EFCAB3: variants seen among roughly 807,000 people sequenced by gnomAD.
EFCAB3 encodes the protein EF-hand calcium-binding domain-containing protein 3.
EFCAB3 carries 36 observed loss-of-function variants against 42.2 expected under a neutral mutation model. The ratio of observed to expected loss-of-function variants is 0.85; its 90% CI spans 0.65 to 1.13. EFCAB3 has a LOEUF of 1.13. Ranked by LOEUF, EFCAB3 falls within the 50% of genes most tolerant of loss-of-function variation. EFCAB3 has a pLI of 0.00. For missense variants in EFCAB3, 418 were observed against 505.1 expected, an observed-to-expected ratio of 0.83 and a Z score of 1.65; for synonymous variants, 170 against 172.8, an observed-to-expected ratio of 0.98 and a Z score of 0.13.
Position 62,406,465 on chromosome 17 carries a change from C to CTT in EFCAB3, c.489-6_489-5dup. ...TCTCTTTGTATCCATTTCTGAATTA[C>CTT]TTTTTTTTTTAAAGCTATTTCCAAA... On this transcript the variant is annotated splice_polypyrimidine_tract_variant and intron_variant, in intron 6 of 9. Transcript: ENST00000305286. 4 of 1,432,366 alleles carry CTT rather than the reference C, an allele frequency of 2.8e-6. No individual in the cohort carries two copies. The highest frequency in any genetic ancestry group is 1.3e-5 in the South Asian group (1 of 74,182). 88.7% of individuals were successfully genotyped at this position (1,432,366 alleles called of 1,614,324 possible). A position where few individuals can be genotyped will look rare whatever the true frequency, so the allele number is the denominator to read the frequency against.
intron 1 of EFCAB3, 140 bp from the exon 2 acceptor site, chr17:62,382,823 T>C: frequency 1.5e-6 from 1 of 651,936 alleles, no homozygotes; most frequent in Non-Finnish European, 2.6e-6. Flanking sequence ...TATGCATACC[T>C]CTAACTTGAG....
At chr17:62,396,912 A>T (rs553960697) in intron 6 of EFCAB3, among the ~76,000 whole-genome samples, 1 of 152,252 alleles carries the variant, frequency 6.6e-6, no homozygotes, top group African/African-American at 2.4e-5. Context: ...TTTTTTTAAA[A>T]AGAATATACA....
intron 2 of EFCAB3, among the ~76,000 whole-genome samples, chr17:62,383,782 A>T (rs2070224964): frequency 6.6e-6 from 1 of 152,136 alleles, no homozygotes; most frequent in Non-Finnish European, 1.5e-5. Flanking sequence ...AATTTAGAAG[A>T]TCATAAAGAA....
intron 9 of EFCAB3, among the ~76,000 whole-genome samples, chr17:62,414,399 C>A (rs2070526288): frequency 6.6e-6 from 1 of 152,176 alleles, no homozygotes; most frequent in African/African-American, 2.4e-5. Flanking sequence ...TTAAAGTTGT[C>A]ACTAACCTAA....
At chr17:62,374,874 A>G (rs1167320641) in intron 2 of EFCAB3, among the ~76,000 whole-genome samples, 1 of 152,210 alleles carries the variant, frequency 6.6e-6, no homozygotes, top group Non-Finnish European at 1.5e-5. Flanking sequence ...ACAATTTGGG[A>G]GGCCAAGACA....
At chr17:62,391,233 A>T (rs189545555) in intron 3 of EFCAB3, among the ~76,000 whole-genome samples, 22 of 152,224 alleles carry the variant, frequency 1.4e-4, no homozygotes, top group African/African-American at 5.3e-4. Context: ...GTGATCCACG[A>T]GGATCTCCTG....
intron 3 of EFCAB3, among the ~76,000 whole-genome samples, chr17:62,388,086 T>C (rs1376849337): frequency 6.6e-6 from 1 of 152,094 alleles, no homozygotes; most frequent in African/African-American, 2.4e-5. Flanking sequence ...GGCGGGCACC[T>C]GTAATCCCAG....
chr17:62,403,001 T>C (rs1410843368), intron 6 of EFCAB3, among the ~76,000 whole-genome samples: 1 of 152,228 alleles, frequency 6.6e-6, no homozygotes, highest in African/African-American at 2.4e-5. Flanking sequence ...TTCAACTTCT[T>C]CCTAGTTTAG....
chr17:62,393,477 G>A, intron 4 of EFCAB3, 96 bp from the exon 5 acceptor site: 1 of 949,760 alleles, frequency 1.1e-6, no homozygotes, highest in Non-Finnish European at 1.6e-6. Flanking sequence ...TTTTAATATT[G>A]AATCATCCAG....
At chr17:62,392,838 C>T (rs1047227018) in intron 4 of EFCAB3, among the ~76,000 whole-genome samples, 10 of 151,962 alleles carry the variant, frequency 6.6e-5, no homozygotes, top group Non-Finnish European at 8.8e-5. Context: ...AGGGTTTCAC[C>T]GTGTTAGCCA....
At chr17:62,372,799 C>T (rs2070123252) in intron 1 of EFCAB3, among the ~76,000 whole-genome samples, 1 of 152,044 alleles carries the variant, frequency 6.6e-6, no homozygotes, top group South Asian at 2.1e-4. Flanking sequence ...CAAAAAAGTC[C>T]AAACAAAACC....
At position 62,393,608 on chromosome 17, in the gene EFCAB3, G is replaced by T. The variant is rs772637360; in HGVS notation, c.331G>T (p.Val111Phe). The T allele has an allele frequency of 2.5e-6, 4 of 1,614,024 alleles. No individual in the cohort carries two copies. Among genetic ancestry groups the T allele is most frequent in the Non-Finnish European group, 2.5e-6 (3 of 1,179,988 alleles). ...GKVNFSDFIK[V>F]LTDKNLFLKA... ...GGTGAACTTCTCAGACTTTATCAAG[G>T]TTCTAACAGATAAGAATCTCTTCCT... Residue 111 changes from valine to phenylalanine, a missense_variant, in exon 5 of 10, where the codon GTT becomes TTT. Physicochemically the swap from Val to Phe is conservative, Grantham distance 50 (BLOSUM62 -1). Transcript: ENST00000305286.
At position 62,416,238 on chromosome 17, in the gene EFCAB3, C is replaced by A; in HGVS notation, c.1226C>A (p.Ser409Tyr). The A allele has an allele frequency of 6.2e-7, 1 of 1,613,864 alleles. No homozygotes were observed. Among genetic ancestry groups the A allele is most frequent in the African/African-American group, 1.3e-5 (1 of 75,028 alleles). Residue 409 changes from serine to tyrosine, a missense_variant, in exon 10 of 10, where the codon TCC (serine) becomes TAC (tyrosine). By Grantham distance (144) the Ser-to-Tyr change is moderately radical. Transcript: ENST00000305286. The part of the protein sequence containing the change: ...AYVNRNSSHN[S>Y]RSSSSSDTSE... Reference sequence around the variant, plus strand: ...GTGAATAGAAATTCCTCCCATAACTCCAGATCCTCTTCCTCATCAGATACC... The same window carrying A: ...GTGAATAGAAATTCCTCCCATAACTACAGATCCTCTTCCTCATCAGATACC...
chr17:62,381,528 G>C (rs1304935710), intron 1 of EFCAB3: 1 of 153,064 alleles, frequency 6.5e-6, no homozygotes, highest in Admixed American at 6.6e-5. Context: ...AGTTCCTTCC[G>C]GGGTCTAGGG....
intron 6 of EFCAB3, among the ~76,000 whole-genome samples, chr17:62,403,896 C>T (rs1398068846): frequency 6.6e-6 from 1 of 152,186 alleles, no homozygotes; most frequent in Non-Finnish European, 1.5e-5. Context: ...GTGATCCACC[C>T]CCATCAGCCT....
upstream of EFCAB3, among the ~76,000 whole-genome samples, chr17:62,378,604 G>T (rs1224856359): frequency 1.3e-5 from 2 of 152,116 alleles, no homozygotes; most frequent in African/African-American, 2.4e-5. Flanking sequence ...GGGAGGCTGA[G>T]TGGAAGGATC....
intron 6 of EFCAB3, among the ~76,000 whole-genome samples, chr17:62,398,508 A>C (rs1172130711): frequency 1.3e-5 from 2 of 151,302 alleles, no homozygotes; most frequent in South Asian, 2.1e-4. Context: ...CAAAAAAAAA[A>C]AAAAACAAAA....
At position 62,407,277 on chromosome 17, in the gene EFCAB3, T is replaced by G. The variant is rs941210093; in HGVS notation, c.867+65T>G. 5 of 1,320,798 alleles carry G rather than the reference T, an allele frequency of 3.8e-6. No individual in the cohort carries two copies. In the African/African-American group the frequency reaches 7.5e-5, roughly 20 times the overall value. The allele number at this position is 1,320,798 out of a possible 1,614,324, so 81.8% of individuals were successfully genotyped here. On this transcript the variant is annotated intron_variant, in intron 8 of 9. Coordinates refer to ENST00000305286, the MANE Select transcript of EFCAB3 (RefSeq NM_173503.4). Reference sequence around the variant, plus strand: ...TTTTTAAGCACTAACTTAACAGAACTAATGACATGCTTTTTACAACAAATA... The same window carrying G: ...TTTTTAAGCACTAACTTAACAGAACGAATGACATGCTTTTTACAACAAATA...
In EFCAB3 at chr17:62,406,580, C is replaced by A. The variant is rs1486565394; in HGVS notation, c.589C>A (p.Pro197Thr). The A allele has an allele frequency of 1.2e-6, 2 of 1,613,876 alleles. No homozygotes were observed. The highest frequency in any genetic ancestry group is 1.7e-5 in the Admixed American group (1 of 59,964). The change falls in exon 7 of 10, where the codon CCT becomes ACT. Residue 197 changes from proline to threonine, a missense_variant. Physicochemically the swap from Pro to Thr is conservative, Grantham distance 38. Transcript: ENST00000305286. ...GACACTTAAGCCAGACATATGCACA[C>A]CTCCAAGCTCAAGCATGGCTGCCTT... ...KRTLKPDICT[P>T]PSSSMAAFAN...
Sources: gnomAD v4.1 joint callset for allele counts (sites outside exome capture counted in the v4.1 genomes callset) on GRCh38, gnomAD v4.1.1 for gene constraint, MANE v1.5 for transcripts, NCBI Gene and HGNC (gene_info 2026-07-23, HGNC 2026-07-21) for gene names.